Variants in ELAVL3 observed in about 807,000 individuals in gnomAD.
The protein encoded by ELAVL3 is ELAV-like protein 3.
In ELAVL3, 8 loss-of-function variants were observed where a neutral mutation model predicts 34.2. That is an observed-to-expected ratio of 0.23 (90% confidence interval 0.14 to 0.42). The LOEUF (loss-of-function observed/expected upper bound fraction) is 0.42, where lower values mean the gene tolerates loss of function less well. Ranked by LOEUF, ELAVL3 falls within the 10% of genes least tolerant of loss-of-function variation. The pLI is 1.00. For missense variants in ELAVL3, 273 were observed against 518.8 expected (o/e 0.53, Z 4.60); for synonymous variants, 209 against 222.1 (o/e 0.94, Z 0.53).
rs371074338 is a variant in ELAVL3, at chr19:11,472,375, C to T, written c.10-5548G>A. 9.9e-5 allele frequency among the ~76,000 whole-genome samples: 15 copies of T among 151,794 alleles called. No individual in the cohort carries two copies. The South Asian group carries it at 2.9e-3, about 29-fold the overall frequency. ...AAACACACATACTGATTGGTAGTGT[C>T]TTCCTAGAGGAATGAATTAAGAAGA... On this transcript the variant is annotated intron_variant, in intron 1 of 6. Coordinates refer to ENST00000359227, the MANE Select transcript of ELAVL3 (RefSeq NM_001420.4).
Position 11,454,772 on chromosome 19 carries a change from G to A in ELAVL3, c.858C>T (p.Ile286=). ...CCTCCGGTGACAGGTTGTACACGAA[G>A]ATGCACCAGCCGGCGCCCGCCGCGC... The part of the protein sequence containing the change: ...SGGAAGAGWC[I]FVYNLSPEAD... Residue 286 remains isoleucine, a synonymous_variant, in exon 7 of 7, where the codon ATC becomes ATT. Transcript: ENST00000359227. The surrounding 1 kb of genome is among the most constrained non-coding windows in gnomAD (Gnocchi z 9.2). 1 of 1,613,800 alleles carries A rather than the reference G, an allele frequency of 6.2e-7. No individual in the cohort carries two copies. The highest frequency in any genetic ancestry group is 1.1e-5 in the South Asian group (1 of 91,082).
chr19:11,457,268 T>C (rs1599528982), intron 5 of ELAVL3, 120 bp from the exon 6 acceptor site: 1 of 960,956 alleles, frequency 1.0e-6, no homozygotes, highest in Non-Finnish European at 1.4e-6. Flanking sequence ...TGCCCCCGCC[T>C]GCCTGCTCCC....
rs1421895911 is a variant in ELAVL3 at position 11,466,962 on chromosome 19, T to C, written c.10-135A>G. The C allele has an allele frequency of 2.3e-5, 15 of 656,866 alleles. No homozygotes were observed. The East Asian group carries it at 3.8e-4, about 17-fold the overall frequency. 40.7% of individuals were successfully genotyped at this position (656,866 alleles called of 1,614,324 possible). The stretch of plus-strand genomic sequence containing the variant: ...ATGGGGAGGGGTCACTTTATTATTC[T>C]AATGATGGGAATAATGATGGGATTC... On this transcript the variant is annotated intron_variant, in intron 1 of 6. Coordinates refer to ENST00000359227, the MANE Select transcript of ELAVL3 (RefSeq NM_001420.4). The surrounding 1 kb of genome is among the most constrained non-coding windows in gnomAD (Gnocchi z 5.0).
chr19:11,473,744 T>A (rs1971211854), intron 1 of ELAVL3, among the ~76,000 whole-genome samples: 1 of 151,730 alleles, frequency 6.6e-6, no homozygotes, highest in Non-Finnish European at 1.5e-5. Flanking sequence ...TGCATATGAG[T>A]TTTTCTGATC....
At chr19:11,473,364 C>CA (rs61362081) in intron 1 of ELAVL3, among the ~76,000 whole-genome samples, 3 of 151,636 alleles carry the variant, frequency 2.0e-5, no homozygotes, top group African/African-American at 7.3e-5. Context: ...GACTCCCTCT[C>CA]AAAAAAAGAA....
intron 3 of ELAVL3, among the ~76,000 whole-genome samples, chr19:11,464,442 C>T (rs1454721118): frequency 6.6e-6 from 1 of 151,796 alleles, no homozygotes; most frequent in African/African-American, 2.4e-5. Context: ...GGATTATAGG[C>T]GTGGGCCACT....
At chr19:11,471,183 G>A (rs1282436029) in intron 1 of ELAVL3, among the ~76,000 whole-genome samples, 2 of 151,834 alleles carry the variant, frequency 1.3e-5, no homozygotes, top group East Asian at 1.9e-4. Context: ...GGTGGTGTGC[G>A]CCTGTAATCT....
At chr19:11,464,930 CAT>C (rs1970998896) in intron 3 of ELAVL3, among the ~76,000 whole-genome samples, 2 of 120,420 alleles carry the variant, frequency 1.7e-5, no homozygotes, top group Admixed American at 8.6e-5. Flanking sequence ...ACACACCACA[CAT>C]ATACACACAC....
At chr19:11,462,842 G>C (rs1023098097) in intron 3 of ELAVL3, among the ~76,000 whole-genome samples, 1 of 147,300 alleles carries the variant, frequency 6.8e-6, no homozygotes, top group Middle Eastern at 3.5e-3. Context: ...GGCGCCTGTA[G>C]TCCCAGCTAC....
In ELAVL3 at chr19:11,466,407, C is replaced by T; in HGVS notation, c.230-132G>A. 3 of 1,026,654 alleles carry T rather than the reference C, an allele frequency of 2.9e-6. No homozygotes were observed. Among genetic ancestry groups the T allele is most frequent in the East Asian group, 2.5e-5 (1 of 40,234 alleles). The allele number at this position is 1,026,654 out of a possible 1,614,324, so 63.6% of individuals were successfully genotyped here. ...CTGTTTCCAGATGACACCTTCGATG[C>T]TAGAGTCCCACCTGCCTCCATCGCT... On this transcript the variant is annotated intron_variant, in intron 2 of 6. Coordinates refer to ENST00000359227, the MANE Select transcript of ELAVL3 (RefSeq NM_001420.4). This position sits in a 1 kb window ranked among gnomAD's most constrained non-coding sequence, Gnocchi z 5.0.
chr19:11,473,824 G>A (rs1971213154), intron 1 of ELAVL3, among the ~76,000 whole-genome samples: 1 of 152,146 alleles, frequency 6.6e-6, no homozygotes, highest in African/African-American at 2.4e-5. Flanking sequence ...CCAGCTGTGT[G>A]TCCTCAGATA....
At chr19:11,462,969 A>G (rs1456412008) in intron 3 of ELAVL3, among the ~76,000 whole-genome samples, 1 of 151,734 alleles carries the variant, frequency 6.6e-6, no homozygotes, top group African/African-American at 2.4e-5. Context: ...CTCAAAAAAA[A>G]AAAAAAAAAA....
Position 11,453,584 on chromosome 19 carries a change from G to C in ELAVL3, c.*942C>G, listed in dbSNP as rs1970701028. 6.5e-6 allele frequency: 1 copy of C among 152,866 alleles called. No individual in the cohort carries two copies. The highest frequency in any genetic ancestry group is 2.1e-4 in the South Asian group (1 of 4,836). The allele number at this position is 152,866 out of a possible 1,614,324, so 9.5% of individuals were successfully genotyped here. A position where few individuals can be genotyped will look rare whatever the true frequency, so the allele number is the denominator to read the frequency against. On this transcript the variant is annotated 3_prime_UTR_variant, in exon 7 of 7. Coordinates refer to ENST00000359227, the MANE Select transcript of ELAVL3 (RefSeq NM_001420.4). ...CACATCTGTGGTCTGTGTCCACATG[G>C]ACGTAGCCCCAGCTTCTGTCTCTTT...
At chr19:11,475,354 A>C (rs1971242955) in intron 1 of ELAVL3, among the ~76,000 whole-genome samples, 1 of 152,064 alleles carries the variant, frequency 6.6e-6, no homozygotes, top group African/African-American at 2.4e-5. Flanking sequence ...CATTATGGCC[A>C]ATGCCTTGTC....
In ELAVL3 at chr19:11,458,379, G is replaced by T; in HGVS notation, c.487+79C>A. On this transcript the variant is annotated intron_variant, in intron 4 of 6. Coordinates refer to ENST00000359227, the MANE Select transcript of ELAVL3 (RefSeq NM_001420.4). This position sits in a 1 kb window ranked among gnomAD's most constrained non-coding sequence, Gnocchi z 7.3. ...CCCTGCTTCATGCCCTGGCATCTTG[G>T]TCGGTTTCCCCACGTTGGTCCCACC... The T allele has an allele frequency of 6.2e-7, 1 of 1,606,494 alleles. No individual in the cohort carries two copies. Among genetic ancestry groups the T allele is most frequent in the Admixed American group, 1.7e-5 (1 of 59,866 alleles).
chr19:11,471,256 G>A (rs1205126917), intron 1 of ELAVL3, among the ~76,000 whole-genome samples: 1 of 151,312 alleles, frequency 6.6e-6, no homozygotes, highest in Non-Finnish European at 1.5e-5. Context: ...GTTGCAGTGA[G>A]CTGAGATTAC....
At chr19:11,460,656 C>G (rs188116389) in intron 3 of ELAVL3, among the ~76,000 whole-genome samples, 1 of 152,168 alleles carries the variant, frequency 6.6e-6, no homozygotes, top group Admixed American at 6.6e-5. Context: ...CTGGAATGCT[C>G]TTCCTCCTCT....
At chr19:11,455,529 C>T (rs1475638983) in intron 6 of ELAVL3, among the ~76,000 whole-genome samples, 3 of 152,010 alleles carry the variant, frequency 2.0e-5, no homozygotes, top group Non-Finnish European at 4.4e-5. Context: ...TCAGGTGATC[C>T]GCCCGCTTCG....
At chr19:11,465,618 C>T (rs893015794) in intron 3 of ELAVL3, among the ~76,000 whole-genome samples, 1 of 151,780 alleles carries the variant, frequency 6.6e-6, no homozygotes. Context: ...CTCCAGGGTC[C>T]GGGAGCAGAT....
Sources: allele counts gnomAD v4.1 joint callset (sites outside exome capture counted in the v4.1 genomes callset), GRCh38; gene constraint gnomAD v4.1.1; non-coding constraint Gnocchi (gnomAD v3.1); transcripts MANE v1.5; gene names NCBI Gene and HGNC (gene_info 2026-07-23, HGNC 2026-07-21).